The following TRIP4 variants were observed in gnomAD, a reference collection of about 807,000 sequenced individuals.
TRIP4 encodes the protein activating signal cointegrator 1.
In TRIP4, 54 loss-of-function variants were observed where a neutral mutation model predicts 81.8. The ratio of observed to expected loss-of-function variants is 0.66; its 90% CI spans 0.53 to 0.83. The LOEUF is 0.83. Ranked by LOEUF, TRIP4 falls within the 40% of genes least tolerant of loss-of-function variation. The pLI, the probability that TRIP4 is intolerant of heterozygous loss-of-function variation, is 0.00. For synonymous variants in TRIP4, 270 were observed against 242.8 expected (o/e 1.11, Z -1.04); for missense variants, 662 against 683.6 (o/e 0.97, Z 0.35).
chr15:64,408,198 A>G (rs1891675149), intron 6 of TRIP4, among the ~76,000 whole-genome samples: 1 of 141,962 alleles, frequency 7.0e-6, no homozygotes. Flanking sequence ...TCGGCCTCCC[A>G]AAGTGCTGGA....
At chr15:64,411,600 C>T (rs1891761893) in intron 7 of TRIP4, among the ~76,000 whole-genome samples, 1 of 151,304 alleles carries the variant, frequency 6.6e-6, no homozygotes, top group Admixed American at 6.6e-5. Context: ...ATTGAGACCC[C>T]ACCTTAAAAA....
At chr15:64,419,368 T>C (rs1233010120) in intron 9 of TRIP4, among the ~76,000 whole-genome samples, 1 of 151,526 alleles carries the variant, frequency 6.6e-6, no homozygotes, top group Non-Finnish European at 1.5e-5. Context: ...TTTTCTTTTC[T>C]TTTTTTTTAA....
chr15:64,428,754 A>T (rs1013015906), intron 11 of TRIP4, among the ~76,000 whole-genome samples: 1 of 151,912 alleles, frequency 6.6e-6, no homozygotes, highest in African/African-American at 2.4e-5. Context: ...GATTACAGGC[A>T]CATACCACCA....
In TRIP4 at chr15:64,397,695, C is replaced by T. The variant is rs1341395164; in HGVS notation, c.495C>T (p.Leu165=). ...GACAGGACAGGCTTGCAGTCCTGCT[C>T]CCTGGTCGTCACCCTTGTGATTGCC... ...REGQDRLAVL[L]PGRHPCDCLG... is the part of the protein sequence containing the mutation. Residue 165 remains leucine, a synonymous_variant, in exon 4 of 13, where the codon CTC becomes CTT. Coordinates refer to ENST00000261884, the MANE Select transcript of TRIP4 (RefSeq NM_016213.5). The T allele has an allele frequency of 6.2e-7, 1 of 1,614,112 alleles. No individual in the cohort carries two copies. The highest frequency in any genetic ancestry group is 1.7e-5 in the Admixed American group (1 of 59,994).
chr15:64,445,838 A>G (rs757251216), intron 12 of TRIP4, among the ~76,000 whole-genome samples: 7 of 152,130 alleles, frequency 4.6e-5, no homozygotes, highest in Non-Finnish European at 1.0e-4. Context: ...CTAAACTTCA[A>G]TTTCAGATCC....
chr15:64,436,763 CTTTT>C (rs71133433), intron 11 of TRIP4, among the ~76,000 whole-genome samples: 4 of 21,418 alleles, frequency 1.9e-4, no homozygotes, highest in African/African-American at 6.7e-4. Context: ...CCATCTATGC[CTTTT>C]TTTTTTTTTT....
At chr15:64,408,523 T>C (rs879687083) in intron 6 of TRIP4, among the ~76,000 whole-genome samples, 11 of 59,732 alleles carry the variant, frequency 1.8e-4, no homozygotes, top group Non-Finnish European at 4.3e-4. Flanking sequence ...CCTCCCAAAG[T>C]GTTGGGATTA....
chr15:64,412,004 A>G (rs1237002202), intron 7 of TRIP4, among the ~76,000 whole-genome samples: 1 of 152,176 alleles, frequency 6.6e-6, no homozygotes, highest in Non-Finnish European at 1.5e-5. Context: ...CTTTTGACTT[A>G]TCAGCTACAC....
At chr15:64,427,704 A>G (rs946869464) in intron 11 of TRIP4, among the ~76,000 whole-genome samples, 3 of 152,140 alleles carry the variant, frequency 2.0e-5, no homozygotes, top group Non-Finnish European at 4.4e-5. Context: ...AACACTTGTT[A>G]TCCCTCTAGA....
intron 11 of TRIP4, among the ~76,000 whole-genome samples, chr15:64,431,877 C>CTTT (rs1199638489): frequency 6.7e-4 from 35 of 52,510 alleles, no homozygotes; most frequent in African/African-American, 9.8e-4. Context: ...ATTGTGTTTT[C>CTTT]TTTTTTTTTT....
At chr15:64,447,389 A>G (rs569871575) in intron 12 of TRIP4, among the ~76,000 whole-genome samples, 3 of 152,340 alleles carry the variant, frequency 2.0e-5, no homozygotes, top group South Asian at 4.1e-4. Flanking sequence ...TCAAACTATA[A>G]TGTAACTAAA....
chr15:64,418,749 G>C, intron 9 of TRIP4, 21 bp downstream of exon 9: 1 of 1,583,924 alleles, frequency 6.3e-7, no homozygotes, highest in African/African-American at 1.4e-5. Flanking sequence ...AAATGAATCT[G>C]GGCAGTGGAA....
intron 11 of TRIP4, among the ~76,000 whole-genome samples, chr15:64,428,276 A>G (rs1353778084): frequency 6.6e-6 from 1 of 152,200 alleles, no homozygotes; most frequent in Non-Finnish European, 1.5e-5. Flanking sequence ...AAGGGTAGGA[A>G]ACTATAATCC....
chr15:64,434,940 G>T (rs891580823), intron 11 of TRIP4, among the ~76,000 whole-genome samples: 2 of 152,078 alleles, frequency 1.3e-5, no homozygotes, highest in Non-Finnish European at 2.9e-5. Flanking sequence ...TATTGGCCAG[G>T]CATGGTGGCT....
chr15:64,391,147 G>A (rs1900115183), intron 1 of TRIP4, among the ~76,000 whole-genome samples: 1 of 151,812 alleles, frequency 6.6e-6, no homozygotes, highest in Non-Finnish European at 1.5e-5. Flanking sequence ...ATAGCACAGA[G>A]CTATTAACTT....
intron 12 of TRIP4, among the ~76,000 whole-genome samples, chr15:64,451,881 G>A (rs954696586): frequency 6.7e-6 from 1 of 150,334 alleles, no homozygotes; most frequent in Non-Finnish European, 1.5e-5. Flanking sequence ...TTGAACTTCT[G>A]ACCTTAGGTG....
chr15:64,425,125 ACATT>A (rs1182743454), intron 10 of TRIP4, among the ~76,000 whole-genome samples: 3 of 152,006 alleles, frequency 2.0e-5, no homozygotes, highest in Non-Finnish European at 4.4e-5. Context: ...TGTTTTAAAG[ACATT>A]CATTCTTATG....
chr15:64,415,914 T>C (rs1333999719), intron 8 of TRIP4, among the ~76,000 whole-genome samples: 1 of 152,172 alleles, frequency 6.6e-6, no homozygotes, highest in Non-Finnish European at 1.5e-5. Context: ...ATGGCTTCCA[T>C]GCCTACGTAG....
In TRIP4 at chr15:64,414,051, C is replaced by G. The variant is rs766674004; in HGVS notation, c.1044-34C>G. 5 of 1,609,760 alleles carry G rather than the reference C, an allele frequency of 3.1e-6. No individual in the cohort carries two copies. In the South Asian group the frequency reaches 5.5e-5, roughly 18 times the overall value. Reference sequence around the variant, plus strand: ...TAAGCATTCTGAGCATAGAACATTACCAATTGTTGCATCCTTTTGGTTTAT... The same window carrying G: ...TAAGCATTCTGAGCATAGAACATTAGCAATTGTTGCATCCTTTTGGTTTAT... On this transcript the variant is annotated intron_variant, in intron 7 of 12. Coordinates refer to ENST00000261884, the MANE Select transcript of TRIP4 (RefSeq NM_016213.5).
Sources: gnomAD v4.1 joint callset for allele counts (sites outside exome capture counted in the v4.1 genomes callset) on GRCh38, gnomAD v4.1.1 for gene constraint, MANE v1.5 for transcripts, NCBI Gene and HGNC (gene_info 2026-07-23, HGNC 2026-07-21) for gene names.